Variants in NUGGC observed in about 807,000 individuals in gnomAD.
NUGGC encodes the protein nuclear GTPase SLIP-GC.
Under a neutral mutation model 92.6 loss-of-function variants are expected in NUGGC, and 58 were observed. The ratio of observed to expected loss-of-function variants is 0.63; its 90% CI spans 0.51 to 0.78. The LOEUF is 0.78. Ranked by LOEUF, NUGGC falls within the 30% of genes least tolerant of loss-of-function variation. The pLI, the probability that NUGGC is intolerant of heterozygous loss-of-function variation, is 0.00. For missense variants in NUGGC, 925 were observed against 964.6 expected (o/e 0.96, Z 0.54); for synonymous variants, 376 against 366.4 (o/e 1.03, Z -0.30).
chr8:28,027,111 T>C, intron 17 of NUGGC, 59 bp from the exon 18 acceptor site: 1 of 1,355,426 alleles, frequency 7.4e-7, no homozygotes, highest in African/African-American at 1.4e-5. Context: ...AAGTGGATCT[T>C]ATAAAAGGGA....
chr8:28,057,396 C>T (rs1164174114), intron 9 of NUGGC, among the ~76,000 whole-genome samples: 3 of 142,098 alleles, frequency 2.1e-5, no homozygotes, highest in Non-Finnish European at 3.0e-5. Flanking sequence ...GGCTGGAGTG[C>T]AGTGGCGCGA....
At chr8:28,081,532 T>C (rs922716218) in intron 1 of NUGGC, among the ~76,000 whole-genome samples, 2 of 152,170 alleles carry the variant, frequency 1.3e-5, no homozygotes, top group Non-Finnish European at 2.9e-5. Flanking sequence ...CTGACTCCCG[T>C]TCTTGTCCCT....
chr8:28,058,327 C>A, intron 8 of NUGGC, 51 bp from the exon 9 acceptor site: 1 of 360,208 alleles, frequency 2.8e-6, no homozygotes, highest in South Asian at 5.1e-5. Flanking sequence ...TACTATGTGT[C>A]ACTGCAGTCT....
At chr8:28,066,796 G>A (rs79482846) in intron 6 of NUGGC, among the ~76,000 whole-genome samples, 6,015 of 152,208 alleles carry the variant, frequency 0.04, 172 homozygotes, top group Non-Finnish European at 0.057. Flanking sequence ...CCTCTTTTAT[G>A]CCAGCAGAAT....
At chr8:28,060,638 A>G in intron 7 of NUGGC, 37 bp from the exon 8 acceptor site, 1 of 1,584,572 alleles carries the variant, frequency 6.3e-7, no homozygotes, top group Non-Finnish European at 8.6e-7. Flanking sequence ...CAGCACAGGA[A>G]TGGAGTCACA....
intron 8 of NUGGC, 79 bp from the exon 9 acceptor site, chr8:28,058,355 G>A: frequency 3.4e-6 from 1 of 290,424 alleles, no homozygotes; most frequent in South Asian, 6.6e-5. Flanking sequence ...TTCCCCAAAA[G>A]CAGCACACAC....
rs538331274 is a variant in NUGGC at position 28,031,177 on chromosome 8, C to A, written c.1908+66G>T. The A allele has an allele frequency of 2.5e-6, 4 of 1,584,856 alleles. No homozygotes were observed. The African/African-American group carries it at 5.4e-5, about 21-fold the overall frequency. On this transcript the variant is annotated intron_variant, in intron 15 of 18. Transcript: ENST00000413272. ...AACAAGGGAACAGACAGGCAACCTA[C>A]AAAACTGGCCTGGGAAGAAAGCCAT...
chr8:28,027,082 G>T (rs774749886), intron 17 of NUGGC, 30 bp from the exon 18 acceptor site: 13 of 1,533,772 alleles, frequency 8.5e-6, no homozygotes, highest in Admixed American at 6.7e-5. Flanking sequence ...AGTCTGTTAG[G>T]ATGGTGCAGC....
intron 9 of NUGGC, among the ~76,000 whole-genome samples, chr8:28,057,221 T>A (rs1293274886): frequency 6.6e-6 from 1 of 152,206 alleles, no homozygotes; most frequent in Non-Finnish European, 1.5e-5. Flanking sequence ...CTGTTGCCTG[T>A]CATTTCAGAT....
At position 28,068,472 on chromosome 8, in the gene NUGGC, C is replaced by T. The variant is rs747357372; in HGVS notation, c.258-34G>A. 14 of 1,420,620 alleles carry T rather than the reference C, an allele frequency of 9.9e-6. No individual in the cohort carries two copies. The South Asian group carries it at 1.7e-4, about 17-fold the overall frequency. The allele number at this position is 1,420,620 out of a possible 1,614,324, so 88.0% of individuals were successfully genotyped here. ...ATTTTAAAATGCACATTGCCATGAT[C>T]ATCAAAGTTTAGAGTGAAGAGCATT... On this transcript the variant is annotated intron_variant, in intron 4 of 18. Coordinates refer to ENST00000413272, the MANE Select transcript of NUGGC (RefSeq NM_001010906.2).
intron 9 of NUGGC, among the ~76,000 whole-genome samples, chr8:28,057,925 C>G (rs1810189104): frequency 6.6e-6 from 1 of 152,164 alleles, no homozygotes; most frequent in African/African-American, 2.4e-5. Flanking sequence ...GGCGCGGTGG[C>G]TCACGCCTGT....
intron 13 of NUGGC, among the ~76,000 whole-genome samples, chr8:28,035,737 G>A (rs934259779): frequency 6.6e-6 from 1 of 152,204 alleles, no homozygotes; most frequent in African/African-American, 2.4e-5. Context: ...ATACCCAGAG[G>A]TGAGGACCCT....
At chr8:28,078,979 C>T (rs745774553) in intron 1 of NUGGC, among the ~76,000 whole-genome samples, 2 of 152,200 alleles carry the variant, frequency 1.3e-5, no homozygotes, top group Non-Finnish European at 2.9e-5. Context: ...TGAAGTTTTG[C>T]TTTTAGTGCT....
chr8:28,031,415 A>G (rs764623914), intron 14 of NUGGC, 34 bp from the exon 15 acceptor site: 1 of 1,607,770 alleles, frequency 6.2e-7, no homozygotes, highest in South Asian at 1.1e-5. Context: ...GTTTAAGAGA[A>G]TGGTGGCTGC....
intron 6 of NUGGC, among the ~76,000 whole-genome samples, chr8:28,065,959 C>A (rs559433402): frequency 5.3e-4 from 81 of 151,596 alleles, no homozygotes; most frequent in Admixed American, 9.9e-4. Flanking sequence ...CAAGAGGGCT[C>A]AGCCCAATAA....
At chr8:28,075,546 G>A (rs972588998) in intron 1 of NUGGC, among the ~76,000 whole-genome samples, 12 of 152,268 alleles carry the variant, frequency 7.9e-5, no homozygotes, top group East Asian at 1.9e-4. Flanking sequence ...CTTACTTGCC[G>A]TTACCTGATG....
intron 8 of NUGGC, 132 bp from the exon 9 acceptor site, chr8:28,058,408 A>G (rs1810205504): frequency 1.0e-5 from 2 of 197,362 alleles, no homozygotes; most frequent in African/African-American, 2.4e-5. Context: ...CTTTGACCCA[A>G]TGCTCTCTCT....
chr8:28,079,978 C>T (rs6981631), intron 1 of NUGGC, among the ~76,000 whole-genome samples: 1 of 152,040 alleles, frequency 6.6e-6, no homozygotes. Context: ...TTTGCTCTAT[C>T]GCCCAGGCTG....
chr8:28,053,990 T>C (rs369667585), intron 10 of NUGGC, among the ~76,000 whole-genome samples: 46 of 152,338 alleles, frequency 3.0e-4, no homozygotes, highest in Middle Eastern at 3.4e-3. Flanking sequence ...TCTGTATCAA[T>C]ATTATTGAAG....
Sources: allele counts gnomAD v4.1 joint callset (sites outside exome capture counted in the v4.1 genomes callset), GRCh38; gene constraint gnomAD v4.1.1; transcripts MANE v1.5; gene names NCBI Gene and HGNC (gene_info 2026-07-23, HGNC 2026-07-21).